PCDHGB7: variants seen among roughly 807,000 people sequenced by gnomAD.
The protein encoded by PCDHGB7 is protocadherin gamma-B7.
Under a neutral mutation model 61.4 loss-of-function variants are expected in PCDHGB7, and 37 were observed. The ratio of observed to expected loss-of-function variants is 0.60; its 90% CI spans 0.46 to 0.79. PCDHGB7 has a LOEUF of 0.79. PCDHGB7 is among the 30% of genes least tolerant of loss of function. The pLI is 0.00. For missense variants in PCDHGB7, 1,166 were observed against 1,202.5 expected (o/e 0.97, Z 0.45); for synonymous variants, 464 against 503.5 (o/e 0.92, Z 1.05).
chr5:141,505,118 C>T (rs544825360), intron 2 of PCDHGB7, among the ~76,000 whole-genome samples: 32 of 152,222 alleles, frequency 2.1e-4, no homozygotes, highest in African/African-American at 7.5e-4. Flanking sequence ...GCCAAGATCG[C>T]GCCACTGCAC....
In PCDHGB7 at chr5:141,486,981, A is replaced by G. The variant is rs1457098151; in HGVS notation, c.2416-7826A>G. Reference sequence around the variant, plus strand: ...GCTGTGGACTTGGATTCAGGTTACAATGCTTGGGTTTCCTATCAGCTCCTG... The same window carrying G: ...GCTGTGGACTTGGATTCAGGTTACAGTGCTTGGGTTTCCTATCAGCTCCTG... On this transcript the variant is annotated intron_variant, in intron 1 of 3. Coordinates refer to ENST00000398594, the MANE Select transcript of PCDHGB7 (RefSeq NM_018927.4). The surrounding 1 kb of genome is among the most constrained non-coding windows in gnomAD (Gnocchi z 5.0). 17 of 1,614,038 alleles carry G rather than the reference A, an allele frequency of 1.1e-5. No individual in the cohort carries two copies. The highest frequency in any genetic ancestry group is 4.0e-5 in the African/African-American group (3 of 74,922).
intron 1 of PCDHGB7, among the ~76,000 whole-genome samples, chr5:141,479,837 G>A (rs563513895): frequency 3.9e-5 from 6 of 152,338 alleles, no homozygotes; most frequent in Non-Finnish European, 8.8e-5. Flanking sequence ...TGGTATCCAT[G>A]CAAGGTGACT....
At chr5:141,498,220 G>T (rs1562182972) in intron 2 of PCDHGB7, among the ~76,000 whole-genome samples, 1 of 152,222 alleles carries the variant, frequency 6.6e-6, no homozygotes, top group Non-Finnish European at 1.5e-5. Flanking sequence ...GAGCATTCCA[G>T]ATGGTCAGGC....
At chr5:141,510,509 C>G (rs146315792) in intron 3 of PCDHGB7, among the ~76,000 whole-genome samples, 13 of 152,204 alleles carry the variant, frequency 8.5e-5, no homozygotes, top group Non-Finnish European at 1.6e-4. Flanking sequence ...ACTGAGAGCC[C>G]GTGTCACAGC....
At position 141,432,707 on chromosome 5, in the gene PCDHGB7, G is replaced by A. The variant is rs750859951; in HGVS notation, c.2415+12433G>A. ...CCTCGTAGTGGCCGTCCAGGACCAC[G>A]GCCAGCCCCCTCTCTCCGCCACTGT... On this transcript the variant is annotated intron_variant, in intron 1 of 3. Coordinates refer to ENST00000398594, the MANE Select transcript of PCDHGB7 (RefSeq NM_018927.4). The surrounding 1 kb of genome is among the most constrained non-coding windows in gnomAD (Gnocchi z 6.0). 5 of 1,613,988 alleles carry A rather than the reference G, an allele frequency of 3.1e-6. No individual in the cohort carries two copies. Among genetic ancestry groups the A allele is most frequent in the Non-Finnish European group, 4.2e-6 (5 of 1,179,970 alleles).
intron 2 of PCDHGB7, among the ~76,000 whole-genome samples, chr5:141,495,607 A>G (rs1484333463): frequency 1.3e-5 from 2 of 151,832 alleles, no homozygotes; most frequent in Admixed American, 1.3e-4. Flanking sequence ...TTCCGTCTTG[A>G]TTGCTGCACC....
Position 141,489,517 on chromosome 5 carries a change from G to C in PCDHGB7, c.2416-5290G>C. The C allele has an allele frequency of 6.2e-7, 1 of 1,614,136 alleles. No individual in the cohort carries two copies. Among genetic ancestry groups the C allele is most frequent in the Non-Finnish European group, 8.5e-7 (1 of 1,180,044 alleles). On this transcript the variant is annotated intron_variant, in intron 1 of 3. Transcript: ENST00000398594. The surrounding 1 kb of genome is among the most constrained non-coding windows in gnomAD (Gnocchi z 4.5). ...GGCAGTGAATCAAAAGATTGACCGA[G>C]AAAGCCTATGTGGAGCCAGCACCAG...
At chr5:141,505,599 G>T in intron 3 of PCDHGB7, 118 bp downstream of exon 3, 1 of 1,555,586 alleles carries the variant, frequency 6.4e-7, no homozygotes, top group Non-Finnish European at 8.7e-7. Context: ...CAGATCTTTC[G>T]GCAGGTCTGA....
chr5:141,511,537 A>G lies in PCDHGB7; in HGVS notation c.*364A>G. 2 of 319,256 alleles carry G rather than the reference A, an allele frequency of 6.3e-6. No individual in the cohort carries two copies. Among genetic ancestry groups the G allele is most frequent in the South Asian group, 3.3e-5 (1 of 29,854 alleles). 19.8% of individuals were successfully genotyped at this position (319,256 alleles called of 1,614,324 possible). A position where few individuals can be genotyped will look rare whatever the true frequency, so the allele number is the denominator to read the frequency against. On this transcript the variant is annotated 3_prime_UTR_variant, in exon 4 of 4. Coordinates refer to ENST00000398594, the MANE Select transcript of PCDHGB7 (RefSeq NM_018927.4). ...TCCATCCCATGCCTCCCTCCTCCCC[A>G]CCCCACTCCAACAGTTCCTCTTTCC... is the stretch of plus-strand genomic sequence containing the variant.
At position 141,476,789 on chromosome 5, in the gene PCDHGB7, T is replaced by C; in HGVS notation, c.2416-18018T>C. ...GTTGGACGGAGGGACCCCAGCTCTC[T>C]CCGCCAGCCTGCCTATTCACATCAA... On this transcript the variant is annotated intron_variant, in intron 1 of 3. Transcript: ENST00000398594. The surrounding 1 kb of genome is among the most constrained non-coding windows in gnomAD (Gnocchi z 7.6). 1.2e-6 allele frequency: 2 copies of C among 1,613,374 alleles called. No individual in the cohort carries two copies. The highest frequency in any genetic ancestry group is 4.5e-5 in the East Asian group (2 of 44,864).
chr5:141,485,887 C>T lies in PCDHGB7; in HGVS notation c.2416-8920C>T. 1 of 1,614,098 alleles carries T rather than the reference C, an allele frequency of 6.2e-7. No homozygotes were observed. On this transcript the variant is annotated intron_variant, in intron 1 of 3. Transcript: ENST00000398594. The surrounding 1 kb of genome is among the most constrained non-coding windows in gnomAD (Gnocchi z 5.7). ...TATCCGTGCTGGACGTAAACGACAA[C>T]GCCCCAGCCTTCCAGCAATCCAGCT...
At chr5:141,492,402 C>A (rs1254310448) in intron 1 of PCDHGB7, among the ~76,000 whole-genome samples, 1 of 152,232 alleles carries the variant, frequency 6.6e-6, no homozygotes, top group African/African-American at 2.4e-5. Flanking sequence ...TCGCAGCTCC[C>A]CTCTGCCGCT....
intron 1 of PCDHGB7, among the ~76,000 whole-genome samples, chr5:141,472,555 A>T (rs1360460094): frequency 6.6e-6 from 1 of 152,024 alleles, no homozygotes; most frequent in South Asian, 2.1e-4. Flanking sequence ...AAAAAAAATT[A>T]TATTATAAAT....
chr5:141,487,936 G>C lies in PCDHGB7; in HGVS notation c.2416-6871G>C. On this transcript the variant is annotated intron_variant, in intron 1 of 3. Coordinates refer to ENST00000398594, the MANE Select transcript of PCDHGB7 (RefSeq NM_018927.4). This position sits in a 1 kb window ranked among gnomAD's most constrained non-coding sequence, Gnocchi z 5.0. The stretch of plus-strand genomic sequence containing the variant: ...AGGAGGCTACAGTGCACAGGGTACA[G>C]TGCACCAGGCAGTCACTTGGACAAA... 4.9e-6 allele frequency: 3 copies of C among 607,906 alleles called. No homozygotes were observed. The highest frequency in any genetic ancestry group is 3.7e-5 in the African/African-American group (2 of 54,158). 37.7% of individuals were successfully genotyped at this position (607,906 alleles called of 1,614,324 possible). A position where few individuals can be genotyped will look rare whatever the true frequency, so the allele number is the denominator to read the frequency against.
chr5:141,419,155 A>G lies in PCDHGB7; in HGVS notation c.1296A>G (p.Leu432=). Residue 432 remains leucine, a synonymous_variant, in exon 1 of 4, where the codon TTA becomes TTG. Transcript: ENST00000398594. ...IAATDRGKPP[L]SSSKTITLHI... ...CCACAGACAGGGGCAAGCCTCCGTT[A>G]TCCTCCAGCAAAACCATAACCCTGC... 1 of 1,613,966 alleles carries G rather than the reference A, an allele frequency of 6.2e-7. No homozygotes were observed. The highest frequency in any genetic ancestry group is 1.6e-4 in the Middle Eastern group (1 of 6,062).
intron 1 of PCDHGB7, among the ~76,000 whole-genome samples, chr5:141,446,167 G>A (rs1357034077): frequency 6.6e-6 from 1 of 152,188 alleles, no homozygotes; most frequent in African/African-American, 2.4e-5. Flanking sequence ...ATTTCATGAG[G>A]GCAGGGGGTG....
At chr5:141,510,785 C>G (rs951225541) in intron 3 of PCDHGB7, among the ~76,000 whole-genome samples, 162 bp from the exon 4 acceptor site, 1 of 152,150 alleles carries the variant, frequency 6.6e-6, no homozygotes, top group Non-Finnish European at 1.5e-5. Flanking sequence ...ACCCTCAACT[C>G]TTGTGAAGAG....
intron 1 of PCDHGB7, chr5:141,475,902 C>A (rs1296545944): frequency 1.7e-6 from 1 of 576,594 alleles, no homozygotes; most frequent in Non-Finnish European, 3.0e-6. Context: ...GTGCCGCTGT[C>A]GGCCAATGAA....
chr5:141,473,367 T>C (rs1343477225), intron 1 of PCDHGB7, among the ~76,000 whole-genome samples: 1 of 152,178 alleles, frequency 6.6e-6, no homozygotes, highest in Non-Finnish European at 1.5e-5. Flanking sequence ...GCCACCAAAA[T>C]AGCATGGTCC....
Sources: gnomAD v4.1 joint callset for allele counts (sites outside exome capture counted in the v4.1 genomes callset) on GRCh38, gnomAD v4.1.1 for gene constraint, Gnocchi (gnomAD v3.1) non-coding constraint, MANE v1.5 for transcripts, NCBI Gene and HGNC (gene_info 2026-07-23, HGNC 2026-07-21) for gene names.